The following HOXB3 variants were observed in gnomAD, a reference collection of about 807,000 sequenced individuals.
HOXB3 encodes homeobox protein Hox-B3.
A neutral mutation model predicts 29.2 loss-of-function variants in HOXB3; 17 were observed. The ratio of observed to expected loss-of-function variants is 0.58; its 90% CI spans 0.40 to 0.87. The LOEUF (loss-of-function observed/expected upper bound fraction) is 0.87. Ranked by LOEUF, HOXB3 falls within the 40% of genes least tolerant of loss-of-function variation. The pLI, the probability that HOXB3 is intolerant of heterozygous loss-of-function variation, is 0.00. For missense variants in HOXB3, 637 were observed against 616.3 expected, an observed-to-expected ratio of 1.03 and a Z score of -0.35; for synonymous variants, 317 against 285.9, an observed-to-expected ratio of 1.11 and a Z score of -1.10.
At chr17:48,557,865 G>C (rs983618312) in intron 2 of HOXB3, among the ~76,000 whole-genome samples, 1 of 152,088 alleles carries the variant, frequency 6.6e-6, no homozygotes, top group African/African-American at 2.4e-5. Context: ...ACCTGTTAGG[G>C]GTGCCTGAGC....
At chr17:48,569,171 C>T (rs970296648) in intron 2 of HOXB3, among the ~76,000 whole-genome samples, 1 of 151,960 alleles carries the variant, frequency 6.6e-6, no homozygotes. Flanking sequence ...GAATACATAT[C>T]TATTCTGCAA....
chr17:48,580,310 C>A (rs1368764895), intron 1 of HOXB3: 1 of 136,630 alleles, frequency 7.3e-6, no homozygotes, highest in Non-Finnish European at 1.5e-5. Flanking sequence ...TCCCCTCCCC[C>A]CAGGACTTTT....
At chr17:48,584,582 A>G (rs1196652530) in intron 1 of HOXB3, among the ~76,000 whole-genome samples, 2 of 152,194 alleles carry the variant, frequency 1.3e-5, no homozygotes, top group Non-Finnish European at 1.5e-5. Flanking sequence ...TCCTACAAAG[A>G]CGTGGGGGTA....
In HOXB3 at chr17:48,552,186, T is replaced by C. The variant is rs773220697; in HGVS notation, c.289A>G (p.Thr97Ala). 4 of 1,613,558 alleles carry C rather than the reference T, an allele frequency of 2.5e-6. No individual in the cohort carries two copies. The highest frequency in any genetic ancestry group is 1.3e-5 in the African/African-American group (1 of 74,880). Residue 97 changes from threonine to alanine, a missense_variant, in exon 4 of 5, where the codon ACC becomes GCC. Transcript: ENST00000498678. Reference sequence around the variant, plus strand: ...TTACTGCTGTTGCTAGTGGCACTGGTAGGTGCGGCACTGGGCGGGGGTGAG... The same window carrying C: ...TTACTGCTGTTGCTAGTGGCACTGGCAGGTGCGGCACTGGGCGGGGGTGAG... ...PGSPPPSAAP[T>A]SATSNSSNGG...
In HOXB3 at chr17:48,550,616, C is replaced by A; in HGVS notation, c.1014G>T (p.Gly338=). The change falls in exon 5 of 5, where the codon GGG becomes GGT. Residue 338 remains glycine, a synonymous_variant. Coordinates refer to ENST00000498678, the MANE Select transcript of HOXB3 (RefSeq NM_001384749.1). ...EYEPHVLQAN[G]GAYGTPTMQG... ...GCATGGTGGGCGTCCCGTAGGCGCC[C>A]CCGTTGGCTTGGAGGACGTGCGGCT... 6.6e-7 allele frequency: 1 copy of A among 1,520,962 alleles called. No individual in the cohort carries two copies. The highest frequency in any genetic ancestry group is 8.8e-7 in the Non-Finnish European group (1 of 1,139,052). 94.2% of individuals were successfully genotyped at this position (1,520,962 alleles called of 1,614,324 possible). A position where few individuals can be genotyped will look rare whatever the true frequency, so the allele number is the denominator to read the frequency against.
chr17:48,570,865 C>T (rs2069563218), intron 2 of HOXB3, among the ~76,000 whole-genome samples: 1 of 152,196 alleles, frequency 6.6e-6, no homozygotes, highest in Non-Finnish European at 1.5e-5. Context: ...GAGGGCAACT[C>T]CCTGAAACGT....
chr17:48,570,023 CT>C (rs1444043082), intron 2 of HOXB3, among the ~76,000 whole-genome samples: 1 of 152,202 alleles, frequency 6.6e-6, no homozygotes, highest in Non-Finnish European at 1.5e-5. Context: ...ATTTCCCCCC[CT>C]TCCCAAACCC....
intron 2 of HOXB3, among the ~76,000 whole-genome samples, chr17:48,564,355 C>G (rs2069309828): frequency 1.3e-5 from 2 of 152,038 alleles, no homozygotes; most frequent in African/African-American, 4.8e-5. Flanking sequence ...TCGCTCAACC[C>G]GCAGCAACCC....
chr17:48,567,689 T>G (rs2069435472), intron 2 of HOXB3, among the ~76,000 whole-genome samples: 1 of 152,174 alleles, frequency 6.6e-6, no homozygotes, highest in Non-Finnish European at 1.5e-5. Flanking sequence ...ACACCCAACA[T>G]CCTCCAACAC....
At chr17:48,578,560 C>A in intron 1 of HOXB3, 1 of 466,614 alleles carries the variant, frequency 2.1e-6, no homozygotes, top group Non-Finnish European at 3.7e-6. Context: ...CACCCACCCA[C>A]CCAACACCAG....
intron 1 of HOXB3, among the ~76,000 whole-genome samples, chr17:48,585,263 C>T (rs1323669320): frequency 6.6e-6 from 1 of 152,204 alleles, no homozygotes; most frequent in Non-Finnish European, 1.5e-5. Context: ...ACCCACCCTT[C>T]TTCATTTTTG....
chr17:48,564,201 AC>A (rs1244155264), intron 2 of HOXB3, among the ~76,000 whole-genome samples: 1 of 151,294 alleles, frequency 6.6e-6, no homozygotes, highest in Non-Finnish European at 1.5e-5. Flanking sequence ...CCGGCTCCGC[AC>A]CCCACACTTA....
chr17:48,560,142 T>C (rs1262404823), intron 2 of HOXB3: 2 of 152,470 alleles, frequency 1.3e-5, no homozygotes. Flanking sequence ...AGGCTGCAAA[T>C]CCTGGGCAGC....
At chr17:48,578,441 C>T in intron 1 of HOXB3, 1 of 1,335,666 alleles carries the variant, frequency 7.5e-7, no homozygotes. Context: ...CCACGTGATC[C>T]TCCGAGCCAA....
rs752414179 is a variant in HOXB3, at chr17:48,550,567, C to T, written c.1063G>A (p.Gly355Arg). The T allele has an allele frequency of 1.0e-5, 16 of 1,526,954 alleles. No homozygotes were observed. In the African/African-American group the frequency reaches 1.4e-4, roughly 13 times the overall value. 94.6% of individuals were successfully genotyped at this position (1,526,954 alleles called of 1,614,324 possible). Reference sequence around the variant, plus strand: ...GGCAGCGGATCCGCGTAGCCGCCCCCGCCCACGTACACCGGACTGCCCTGC... The same window carrying T: ...GGCAGCGGATCCGCGTAGCCGCCCCTGCCCACGTACACCGGACTGCCCTGC... ...TMQGSPVYVG[G>R]GGYADPLPPP... The change falls in exon 5 of 5, where the codon GGG (glycine) becomes AGG (arginine). Residue 355 changes from glycine to arginine, a missense_variant. Transcript: ENST00000498678.
chr17:48,555,839 G>A (rs2068966844), intron 2 of HOXB3, among the ~76,000 whole-genome samples: 1 of 152,184 alleles, frequency 6.6e-6, no homozygotes, highest in South Asian at 2.1e-4. Context: ...AAGGTGCCGG[G>A]CGGCTCAGCT....
intron 2 of HOXB3, among the ~76,000 whole-genome samples, chr17:48,569,784 C>A (rs551889641): frequency 6.6e-6 from 1 of 152,126 alleles, no homozygotes; most frequent in Admixed American, 6.5e-5. Flanking sequence ...TTTTCTGGTA[C>A]CTTTTGAAGG....
chr17:48,551,492 C>T (rs1218107818), intron 4 of HOXB3, among the ~76,000 whole-genome samples: 4 of 152,224 alleles, frequency 2.6e-5, no homozygotes, highest in East Asian at 3.9e-4. Context: ...TTTTCGCGTG[C>T]GTGCTTTCTC....
chr17:48,587,521 C>T (rs1489656407), intron 1 of HOXB3, among the ~76,000 whole-genome samples: 2 of 152,160 alleles, frequency 1.3e-5, no homozygotes, highest in African/African-American at 4.8e-5. Context: ...TGCTGAGCTT[C>T]TGTCTTCTCC....
Sources: gnomAD v4.1 joint callset for allele counts (sites outside exome capture counted in the v4.1 genomes callset) on GRCh38, gnomAD v4.1.1 for gene constraint, MANE v1.5 for transcripts, NCBI Gene and HGNC (gene_info 2026-07-23, HGNC 2026-07-21) for gene names.